SETX: variants seen among roughly 807,000 people sequenced by gnomAD.
The protein encoded by SETX is senataxin, also known as helicase senataxin.
In SETX, 90 loss-of-function variants were observed where a neutral mutation model predicts 227.2. That is an observed-to-expected ratio of 0.40 (90% CI 0.33 to 0.47). The LOEUF is 0.47. SETX is among the 20% of genes least tolerant of loss of function. The pLI is 0.91. For synonymous variants in SETX, 1,210 were observed against 1,113.2 expected, an observed-to-expected ratio of 1.09 and a Z score of -1.73; for missense variants, 3,052 against 3,181.5, an observed-to-expected ratio of 0.96 and a Z score of 0.98.
At chr9:132,313,989 T>C (rs7021063) in intron 10 of SETX, among the ~76,000 whole-genome samples, 2,156 of 152,150 alleles carry the variant, frequency 0.014, 54 homozygotes, top group African/African-American at 0.05. Context: ...TGGAGTGCAA[T>C]GGCACCATTT....
upstream of SETX, among the ~76,000 whole-genome samples, chr9:132,355,561 CTG>C (rs1564173983): frequency 7.9e-5 from 12 of 151,826 alleles, no homozygotes; most frequent in Non-Finnish European, 1.3e-4. Context: ...AAATCCCTCG[CTG>C]GTGCGGTGGC....
chr9:132,313,455 T>C (rs1238583228), intron 10 of SETX, among the ~76,000 whole-genome samples: 2 of 152,182 alleles, frequency 1.3e-5, no homozygotes, highest in African/African-American at 4.8e-5. Context: ...ATTAAGTGGA[T>C]CTCTTATAGT....
chr9:132,330,687 G>A (rs909728705), intron 9 of SETX, among the ~76,000 whole-genome samples, 188 bp from the exon 10 acceptor site: 2 of 152,102 alleles, frequency 1.3e-5, no homozygotes, highest in East Asian at 3.8e-4. Flanking sequence ...TAACTCCCAA[G>A]AAAGTGAAAA....
At chr9:132,282,685 C>T (rs1843612723) in intron 19 of SETX, 1 of 162,144 alleles carries the variant, frequency 6.2e-6, no homozygotes, top group African/African-American at 2.4e-5. Flanking sequence ...CTCAGCATGC[C>T]TCTTTGATGA....
At position 132,325,123 on chromosome 9, in the gene SETX, A is replaced by G. The variant is rs550153974; in HGVS notation, c.5274+1201T>C. 7.3e-3 allele frequency among the ~76,000 whole-genome samples: 1,110 copies of G among 151,992 alleles called. 6 individuals are homozygous for G. The highest frequency in any genetic ancestry group is 0.012 in the African/African-American group (483 of 41,474). Reference sequence around the variant, plus strand: ...TGTAATCCCAGCACTTTGGGAGGCCAAGGCGGGCAGATCACAAGGTCAGGA... The same window carrying G: ...TGTAATCCCAGCACTTTGGGAGGCCGAGGCGGGCAGATCACAAGGTCAGGA... On this transcript the variant is annotated intron_variant, in intron 10 of 25. Transcript: ENST00000224140.
upstream of SETX, among the ~76,000 whole-genome samples, chr9:132,355,539 A>G (rs1055571202): frequency 4.6e-5 from 7 of 152,258 alleles, no homozygotes; most frequent in Non-Finnish European, 2.9e-5. Context: ...GCGATGCGCA[A>G]CACAGCAGAG....
In SETX at chr9:132,264,038, C is replaced by T; in HGVS notation, c.*201G>A. 4.6e-6 allele frequency: 3 copies of T among 655,672 alleles called. No homozygotes were observed. Among genetic ancestry groups the T allele is most frequent in the South Asian group, 1.9e-5 (1 of 52,654 alleles). 40.6% of individuals were successfully genotyped at this position (655,672 alleles called of 1,614,324 possible). On this transcript the variant is annotated 3_prime_UTR_variant, in exon 26 of 26. Coordinates refer to ENST00000224140, the MANE Select transcript of SETX (RefSeq NM_015046.7). ...GACTTCAAGGACATTATTACGGATA[C>T]ACAATGCCCTCTGAAAGCTTTTGCA...
Position 132,329,455 on chromosome 9 carries a change from C to T in SETX, c.2143G>A (p.Val715Ile), listed in dbSNP as rs1201339249. 6.2e-7 allele frequency: 1 copy of T among 1,612,970 alleles called. No homozygotes were observed. Among genetic ancestry groups the T allele is most frequent in the South Asian group, 1.1e-5 (1 of 90,968 alleles). The change falls in exon 10 of 26, where the codon GTA (valine) becomes ATA (isoleucine). Residue 715 changes from valine (V) to isoleucine (I), a missense_variant. Val to Ile is a conservative substitution (Grantham distance 29). Transcript: ENST00000224140. ...IKISTRKQKS[V>I]KEISSYTPKD... ...GGTGTATATGAAGAGATCTCTTTTA[C>T]AGACTTCTGCTTCCTTGTACTTATT...
At chr9:132,287,668 G>A (rs1006474621) in intron 17 of SETX, among the ~76,000 whole-genome samples, 7 of 145,288 alleles carry the variant, frequency 4.8e-5, no homozygotes, top group Admixed American at 3.6e-4. Context: ...ATCTTTACTA[G>A]AATATCTTGC....
At chr9:132,266,685 T>TCGCCTGAACCCAGGAGGCGGACGTTGCAG (rs1272243532) in intron 25 of SETX, among the ~76,000 whole-genome samples, 1 of 152,106 alleles carries the variant, frequency 6.6e-6, no homozygotes, top group African/African-American at 2.4e-5. Context: ...GGCATGAGAA[T>TCGCCTGAACCCAGGAGGCGGACGTTGCAG]CGCCTGAACC....
intron 7 of SETX, among the ~76,000 whole-genome samples, chr9:132,332,611 A>G (rs778535808): frequency 6.6e-6 from 1 of 152,230 alleles, no homozygotes; most frequent in Non-Finnish European, 1.5e-5. Flanking sequence ...AAAGTTTCTC[A>G]AAGAGGTAAT....
Position 132,298,081 on chromosome 9 carries a change from ATT to A in SETX, c.5778_5779del (p.Arg1926SerfsTer10). 6.2e-7 allele frequency: 1 copy of A among 1,609,184 alleles called. No individual in the cohort carries two copies. Among genetic ancestry groups the A allele is most frequent in the Admixed American group, 1.7e-5 (1 of 60,004 alleles). On this transcript the variant is annotated frameshift_variant and splice_region_variant, in exon 13 of 26. Transcript: ENST00000224140. LOFTEE classifies it high-confidence loss of function. ...CTAGTATCATACATCATCACTCACA[ATT>A]CTCTCAGATGTTGTAGTCAGTAAAT...
rs770684782 is a variant in SETX, at chr9:132,288,268, G to A, written c.6292C>T (p.Arg2098Ter). The A allele has an allele frequency of 2.5e-6, 4 of 1,614,130 alleles. No individual in the cohort carries two copies. The highest frequency in any genetic ancestry group is 2.2e-5 in the South Asian group (2 of 91,078). The change falls in exon 17 of 26, where the codon CGA (arginine) becomes TGA (stop). Residue 2098 changes from arginine (R) to a stop codon, truncating the protein, a stop_gained. Transcript: ENST00000224140. LOFTEE classifies it high-confidence loss of function. ...DYQLDELSRQRALCRGGREIQ... is the reference protein window; with the variant it reads ...DYQLDELSRQ The stretch of plus-strand genomic sequence containing the variant: ...TCCCGTCCACCTCGGCATAGAGCTC[G>A]CTGCCGGGAAAGCTCATCCAGCTGA...
chr9:132,275,226 A>G, intron 23 of SETX, 30 bp downstream of exon 23: 3 of 1,607,814 alleles, frequency 1.9e-6, no homozygotes, highest in Non-Finnish European at 2.6e-6. Context: ...TTCAACAAGA[A>G]AATTGGAAAT....
At chr9:132,310,605 C>G (rs763595166) in intron 11 of SETX, among the ~76,000 whole-genome samples, 3 of 152,216 alleles carry the variant, frequency 2.0e-5, no homozygotes, top group Non-Finnish European at 4.4e-5. Flanking sequence ...AAAAATGGCT[C>G]ACTGTTACTA....
chr9:132,265,234 T>G (rs1315436175), intron 25 of SETX, among the ~76,000 whole-genome samples: 4 of 147,140 alleles, frequency 2.7e-5, no homozygotes, highest in Non-Finnish European at 4.5e-5. Context: ...GTTTTTTTTT[T>G]TTTTTTTTTT....
intron 10 of SETX, among the ~76,000 whole-genome samples, chr9:132,317,508 T>C (rs1846049245): frequency 2.0e-5 from 3 of 152,266 alleles, no homozygotes; most frequent in Admixed American, 2.0e-4. Flanking sequence ...CTTGGGTAAC[T>C]GTTCCTTTCA....
chr9:132,336,653 T>C, intron 5 of SETX, 138 bp from the exon 6 acceptor site: 1 of 714,202 alleles, frequency 1.4e-6, no homozygotes, highest in Middle Eastern at 2.5e-4. Context: ...GTGGACCTTA[T>C]TTGATCCTGA....
intron 6 of SETX, among the ~76,000 whole-genome samples, chr9:132,334,960 G>A (rs1847496783): frequency 6.6e-6 from 1 of 151,914 alleles, no homozygotes; most frequent in African/African-American, 2.4e-5. Flanking sequence ...TAACTACCAT[G>A]TAACTTGTAT....
Sources: allele counts gnomAD v4.1 joint callset (sites outside exome capture counted in the v4.1 genomes callset), GRCh38; gene constraint gnomAD v4.1.1; transcripts MANE v1.5; gene names NCBI Gene and HGNC (gene_info 2026-07-23, HGNC 2026-07-21).